N4BP2: variants seen among roughly 807,000 people sequenced by gnomAD.
The protein encoded by N4BP2 is NEDD4-binding protein 2.
A neutral mutation model predicts 152.8 loss-of-function variants in N4BP2; 91 were observed. The observed-to-expected ratio is 0.60, with a 90% CI of 0.50 to 0.71. The LOEUF (loss-of-function observed/expected upper bound fraction) is 0.71, where lower values mean the gene tolerates loss of function less well. Among genes scored for constraint, N4BP2 ranks in the 30% least tolerant of loss-of-function variants. N4BP2 has a pLI of 0.00. For synonymous variants in N4BP2, 646 were observed against 705.3 expected, an observed-to-expected ratio of 0.92 and a Z score of 1.33; for missense variants, 1,923 against 2,059.1, an observed-to-expected ratio of 0.93 and a Z score of 1.28.
intron 2 of N4BP2, among the ~76,000 whole-genome samples, chr4:40,075,836 T>C (rs1712674980): frequency 6.6e-6 from 1 of 152,216 alleles, no homozygotes; most frequent in Non-Finnish European, 1.5e-5. Flanking sequence ...TTTTTTTGTT[T>C]GTTTGTTTGA....
the N4BP2 span, among the ~76,000 whole-genome samples, chr4:40,178,368 TATATAA>T: frequency 2.0e-5 from 3 of 151,796 alleles, no homozygotes; most frequent in Admixed American, 6.6e-5. Flanking sequence ...TCCTTTAAGA[TATATAA>T]ATGTTGTAGG....
At chr4:40,162,723 T>A (rs552952733), downstream of N4BP2, among the ~76,000 whole-genome samples, 1 of 152,260 alleles carries the variant, frequency 6.6e-6, no homozygotes, top group East Asian at 1.9e-4. Context: ...GTGTATGTAT[T>A]AGGGTTCTCC....
Position 40,102,903 on chromosome 4 carries a change from TGTTG to T in N4BP2, c.1059_1062del (p.Pro355LeufsTer11). The T allele has an allele frequency of 6.2e-7, 1 of 1,614,234 alleles. No individual in the cohort carries two copies. Among genetic ancestry groups the T allele is most frequent in the Non-Finnish European group, 8.5e-7 (1 of 1,180,044 alleles). On this transcript the variant is annotated frameshift_variant, in exon 4 of 18. Transcript: ENST00000261435. LOFTEE classifies it high-confidence loss of function. ...CCGGTACTTGCTCCTCTCCCATTGC[TGTTG>T]CCTCCTCCGCCACCTCCACCGATGT...
At chr4:40,067,721 CAG>C (rs1310493113) in intron 1 of N4BP2, among the ~76,000 whole-genome samples, 1 of 152,016 alleles carries the variant, frequency 6.6e-6, no homozygotes, top group Non-Finnish European at 1.5e-5. Context: ...TTTTTTGAGA[CAG>C]AGTCTCACTC....
chr4:40,173,745 A>T, the N4BP2 span, among the ~76,000 whole-genome samples: 1 of 152,114 alleles, frequency 6.6e-6, no homozygotes, highest in Non-Finnish European at 1.5e-5. Context: ...CCTGGGCCGA[A>T]CTCTTGTTAA....
rs141776332 is a variant in N4BP2 at position 40,101,853 on chromosome 4, G to A, written c.230-222G>A. ...TAGCTTGGTTTATTACTGTTTTCCT[G>A]AAAGAATAGGATTGCATGTCTCCAT... is the stretch of plus-strand genomic sequence containing the variant. On this transcript the variant is annotated intron_variant, in intron 3 of 17. Coordinates refer to ENST00000261435, the MANE Select transcript of N4BP2 (RefSeq NM_018177.6). 2.6e-5 allele frequency among the ~76,000 whole-genome samples: 4 copies of A among 152,198 alleles called. 1 individual carries two copies. The East Asian group carries it at 7.7e-4, about 29-fold the overall frequency.
At position 40,120,246 on chromosome 4, in the gene N4BP2, G is replaced by A; in HGVS notation, c.2135G>A (p.Ser712Asn). ...GAAATGGTGGCTGTAAAAGGGTATA[G>A]TAAAACTGACACAGATAGTTCTATG... ...QIEMVAVKGY[S>N]KTDTDSSMER... The change falls in exon 9 of 18, where the codon AGT becomes AAT. Residue 712 changes from serine to asparagine, a missense_variant. Ser to Asn is a conservative substitution (Grantham distance 46). Coordinates refer to ENST00000261435, the MANE Select transcript of N4BP2 (RefSeq NM_018177.6). 1.2e-6 allele frequency: 2 copies of A among 1,613,898 alleles called. No homozygotes were observed. Among genetic ancestry groups the A allele is most frequent in the Non-Finnish European group, 1.7e-6 (2 of 1,179,980 alleles).
At chr4:40,151,310 G>T (rs765183575) in intron 16 of N4BP2, among the ~76,000 whole-genome samples, 29 of 152,166 alleles carry the variant, frequency 1.9e-4, no homozygotes, top group Non-Finnish European at 4.0e-4. Context: ...GTCTGGCTCT[G>T]TTGCCCAGGC....
intron 14 of N4BP2, among the ~76,000 whole-genome samples, chr4:40,138,176 C>T (rs1719581621): frequency 6.6e-6 from 1 of 152,152 alleles, no homozygotes; most frequent in Admixed American, 6.5e-5. Context: ...ATTTGCATTT[C>T]CTTGATGACT....
In N4BP2 at chr4:40,122,428, C is replaced by T. The variant is rs2109999747; in HGVS notation, c.4198+119C>T. 5.2e-6 allele frequency: 3 copies of T among 574,456 alleles called. No individual in the cohort carries two copies. In the East Asian group the frequency reaches 9.5e-5, roughly 18 times the overall value. The allele number at this position is 574,456 out of a possible 1,614,324, so 35.6% of individuals were successfully genotyped here. On this transcript the variant is annotated intron_variant, in intron 9 of 17. Transcript: ENST00000261435. Reference sequence around the variant, plus strand: ...TCGCTCTGTTGCCCAGGCTGGAGTGCAGTGCCTCAATCTTGGCTCACTGCA... The same window carrying T: ...TCGCTCTGTTGCCCAGGCTGGAGTGTAGTGCCTCAATCTTGGCTCACTGCA...
At chr4:40,167,891 A>G in the N4BP2 span, 1 of 152,200 alleles carries the variant, frequency 6.6e-6, no homozygotes, top group Non-Finnish European at 1.5e-5. Flanking sequence ...GCAAAACCTA[A>G]GAGGTGGTAT....
chr4:40,125,421 C>T lies in N4BP2; in HGVS notation c.4331-713C>T, dbSNP rs1167945100. Among the ~76,000 whole-genome samples, 6 of 152,142 alleles carry T rather than the reference C, an allele frequency of 3.9e-5. No individual in the cohort carries two copies. In the South Asian group the frequency reaches 1.0e-3, roughly 26 times the overall value. On this transcript the variant is annotated intron_variant, in intron 11 of 17. Transcript: ENST00000261435. ...TGAGTTACAGGTTTGCCAAAGTAATCGATCTTCTTGGTCCTTAGAATGGGT... is the reference window on the plus strand; with the variant it reads ...TGAGTTACAGGTTTGCCAAAGTAATTGATCTTCTTGGTCCTTAGAATGGGT...
chr4:40,078,743 G>T (rs573412192), intron 2 of N4BP2, among the ~76,000 whole-genome samples: 1 of 151,840 alleles, frequency 6.6e-6, no homozygotes. Flanking sequence ...TCCCTGGCTG[G>T]TCTTAGACTC....
intron 13 of N4BP2, among the ~76,000 whole-genome samples, chr4:40,136,164 G>A (rs919454751): frequency 5.3e-5 from 8 of 152,004 alleles, no homozygotes; most frequent in Non-Finnish European, 7.4e-5. Flanking sequence ...AAAATCCCAT[G>A]GTAAAAGTAA....
chr4:40,113,300 A>G, intron 6 of N4BP2, 132 bp from the exon 7 acceptor site: 1 of 613,738 alleles, frequency 1.6e-6, no homozygotes, highest in Non-Finnish European at 2.9e-6. Flanking sequence ...AAGTGATTGT[A>G]TATTTTGCCA....
At chr4:40,132,734 C>T (rs1719009634) in intron 13 of N4BP2, among the ~76,000 whole-genome samples, 1 of 151,858 alleles carries the variant, frequency 6.6e-6, no homozygotes. Flanking sequence ...TTTTGAGAAT[C>T]TTTTGAGAAT....
At position 40,121,269 on chromosome 4, in the gene N4BP2, T is replaced by G; in HGVS notation, c.3158T>G (p.Val1053Gly). The G allele has an allele frequency of 1.9e-6, 3 of 1,613,200 alleles. No individual in the cohort carries two copies. The highest frequency in any genetic ancestry group is 3.4e-5 in the Admixed American group (2 of 59,684). The change falls in exon 9 of 18, where the codon GTT (valine) becomes GGT (glycine). Residue 1053 changes from valine (V) to glycine (G), a missense_variant. Transcript: ENST00000261435. The part of the protein sequence containing the change: ...TGRLDGFKPK[V>G]FNINTKSDVQ... ...AGATTAGATGGATTTAAGCCGAAAG[T>G]TTTCAATATTAACACAAAATCAGAC...
chr4:40,157,143 A>G lies in N4BP2; in HGVS notation c.*2906A>G, dbSNP rs914229294. 1 of 152,118 alleles carries G rather than the reference A, an allele frequency of 6.6e-6. No homozygotes were observed. Among genetic ancestry groups the G allele is most frequent in the Non-Finnish European group, 1.5e-5 (1 of 67,992 alleles). 9.4% of individuals were successfully genotyped at this position (152,118 alleles called of 1,614,324 possible). ...GGGTGTCCAGTTGGACCAGGGAGAT[A>G]TTAGACACTTAACAGTATTTTCAGT... On this transcript the variant is annotated 3_prime_UTR_variant, in exon 18 of 18. Coordinates refer to ENST00000261435, the MANE Select transcript of N4BP2 (RefSeq NM_018177.6).
At chr4:40,149,801 G>A (rs974858861) in intron 16 of N4BP2, among the ~76,000 whole-genome samples, 11 of 151,632 alleles carry the variant, frequency 7.3e-5, no homozygotes, top group Non-Finnish European at 7.4e-5. Flanking sequence ...GGAGGCTGAG[G>A]CAGGAGAATG....
Sources: allele counts gnomAD v4.1 joint callset (sites outside exome capture counted in the v4.1 genomes callset), GRCh38; gene constraint gnomAD v4.1.1; transcripts MANE v1.5; gene names NCBI Gene and HGNC (gene_info 2026-07-23, HGNC 2026-07-21).